The following PCM1 variants were observed in gnomAD, a reference collection of about 807,000 sequenced individuals.
PCM1 encodes the protein pericentriolar material 1, also known as pericentriolar material 1 protein.
Under a neutral mutation model 241.9 loss-of-function variants are expected in PCM1, and 157 were observed. That is an observed-to-expected ratio of 0.65 (90% confidence interval 0.57 to 0.74). The LOEUF (loss-of-function observed/expected upper bound fraction) is 0.74, where lower values mean the gene tolerates loss of function less well. Among genes scored for constraint, PCM1 ranks in the 30% least tolerant of loss-of-function variants. The probability of loss-of-function intolerance (pLI) is 0.00; values close to 1 mark genes in which losing one functional copy is unlikely to be tolerated. For missense variants in PCM1, 3,478 were observed against 2,360.1 expected (o/e 1.47, Z -9.81); for synonymous variants, 1,085 against 784.9 (o/e 1.38, Z -6.39).
chr8:17,924,757 C>A lies in PCM1; in HGVS notation c.-46C>A, dbSNP rs1183147883. 4 of 152,090 alleles carry A rather than the reference C, an allele frequency of 2.6e-5. No individual in the cohort carries two copies. The highest frequency in any genetic ancestry group is 9.7e-5 in the African/African-American group (4 of 41,386). The allele number at this position is 152,090 out of a possible 1,614,324, so 9.4% of individuals were successfully genotyped here. A position where few individuals can be genotyped will look rare whatever the true frequency, so the allele number is the denominator to read the frequency against. ...GAGCGGGAAAGGAGCAGTTTCTGAG[C>A]TGCAAAAACTAGTTTCTAAACAGGT... On this transcript the variant is annotated 5_prime_UTR_variant, in exon 2 of 39. It adds an upstream start codon to the 5' untranslated region. Transcript: ENST00000325083.
At chr8:17,994,738 A>G (rs1235166897) in intron 29 of PCM1, among the ~76,000 whole-genome samples, 2 of 146,164 alleles carry the variant, frequency 1.4e-5, no homozygotes, top group East Asian at 3.8e-4. Context: ...CCATTTTAAC[A>G]GAGGTGAGAT....
rs947180724 is a variant in PCM1, at chr8:17,947,216, G to A, written c.814G>A (p.Glu272Lys). The change falls in exon 7 of 39, where the codon GAG becomes AAG. Residue 272 changes from glutamate (E) to lysine (K), a missense_variant. Physicochemically the swap from Glu to Lys is moderately conservative, Grantham distance 56. Transcript: ENST00000325083. ...ARDPQQEPME[E>K]IENLKKQHDL... Reference sequence around the variant, plus strand: ...AGATCCTCAGCAGGAGCCTATGGAAGAGATAGAAAATTTGAAGAAACAACA... The same window carrying A: ...AGATCCTCAGCAGGAGCCTATGGAAAAGATAGAAAATTTGAAGAAACAACA... 1 of 1,609,772 alleles carries A rather than the reference G, an allele frequency of 6.2e-7. No individual in the cohort carries two copies. Among genetic ancestry groups the A allele is most frequent in the African/African-American group, 1.3e-5 (1 of 74,784 alleles).
chr8:17,924,374 T>A (rs146471436), intron 1 of PCM1, among the ~76,000 whole-genome samples: 247 of 152,344 alleles, frequency 1.6e-3, no homozygotes, highest in African/African-American at 5.5e-3. Context: ...GTTACATAGT[T>A]TGAGTAACAG....
chr8:17,962,463 G>A (rs208059), intron 16 of PCM1, among the ~76,000 whole-genome samples: 11,418 of 151,890 alleles, frequency 0.075, 627 homozygotes, highest in African/African-American at 0.15. Context: ...TAAATATTTG[G>A]CAGAAATATA....
chr8:17,964,410 A>T (rs1455172793), intron 17 of PCM1, among the ~76,000 whole-genome samples, 158 bp from the exon 18 acceptor site: 2 of 152,246 alleles, frequency 1.3e-5, no homozygotes, highest in Non-Finnish European at 2.9e-5. Context: ...TAACAGCAAT[A>T]GGGAGAGTGC....
intron 8 of PCM1, among the ~76,000 whole-genome samples, 158 bp downstream of exon 8, chr8:17,950,882 A>G (rs373645222): frequency 6.6e-6 from 1 of 152,236 alleles, no homozygotes; most frequent in African/African-American, 2.4e-5. Context: ...ATTACGATTC[A>G]TGGATTTGGG....
At chr8:17,967,385 G>A (rs553610806) in intron 21 of PCM1, among the ~76,000 whole-genome samples, 2 of 151,186 alleles carry the variant, frequency 1.3e-5, no homozygotes, top group African/African-American at 4.9e-5. Flanking sequence ...CTTGGCTCAC[G>A]GCAGCCTCCA....
At chr8:17,958,881 C>G (rs2070172150) in intron 13 of PCM1, among the ~76,000 whole-genome samples, 1 of 152,050 alleles carries the variant, frequency 6.6e-6, no homozygotes. Context: ...ACCACCACAC[C>G]TGGCTAATGT....
intron 23 of PCM1, among the ~76,000 whole-genome samples, chr8:17,977,470 C>G (rs1177790501): frequency 6.6e-6 from 1 of 152,096 alleles, no homozygotes; most frequent in Admixed American, 6.6e-5. Context: ...GTTAGTAGAC[C>G]TGTGCGGTGA....
chr8:18,003,300 C>G (rs2090222350), intron 29 of PCM1, among the ~76,000 whole-genome samples: 1 of 152,204 alleles, frequency 6.6e-6, no homozygotes, highest in Non-Finnish European at 1.5e-5. Flanking sequence ...TTTAGACGCT[C>G]TAAGTGTGAA....
At chr8:17,962,889 T>TGAGG in intron 16 of PCM1, 1 of 429,586 alleles carries the variant, frequency 2.3e-6, no homozygotes, top group Non-Finnish European at 4.1e-6. Flanking sequence ...GATGACAGAG[T>TGAGG]GAGACTCTGT....
intron 34 of PCM1, chr8:18,013,705 A>G (rs1392818307): frequency 3.0e-6 from 1 of 327,870 alleles, no homozygotes; most frequent in African/African-American, 2.1e-5. Context: ...TAGAGTCTGA[A>G]AAAAAATGAA....
chr8:17,938,628 G>C lies in PCM1; in HGVS notation c.343-112G>C, dbSNP rs551636066. The C allele has an allele frequency of 4.8e-5, 34 of 707,118 alleles. No individual in the cohort carries two copies. The Admixed American group carries it at 7.7e-4, about 16-fold the overall frequency. The allele number at this position is 707,118 out of a possible 1,614,324, so 43.8% of individuals were successfully genotyped here. The stretch of plus-strand genomic sequence containing the variant: ...TTCAGGTCTTAGTGCAAAGCTCTTT[G>C]TGTGCACCTTCTGAATCAATATCTG... On this transcript the variant is annotated intron_variant, in intron 4 of 38. Transcript: ENST00000325083.
rs754757232 is a variant in PCM1, at chr8:17,985,859, C to T, written c.4282-100C>T. The T allele has an allele frequency of 5.8e-6, 5 of 856,290 alleles. No individual in the cohort carries two copies. In the South Asian group the frequency reaches 8.8e-5, roughly 15 times the overall value. The allele number at this position is 856,290 out of a possible 1,614,324, so 53.0% of individuals were successfully genotyped here. A position where few individuals can be genotyped will look rare whatever the true frequency, so the allele number is the denominator to read the frequency against. On this transcript the variant is annotated intron_variant, in intron 25 of 38. Coordinates refer to ENST00000325083, the MANE Select transcript of PCM1 (RefSeq NM_006197.4). ...TTAACCTGTGAGGGTAGAAACAGTA[C>T]ATTTTTCCTTCCATCTGCTTTTATT...
At chr8:17,980,465 C>G in intron 23 of PCM1, 126 bp from the exon 24 acceptor site, 1 of 650,002 alleles carries the variant, frequency 1.5e-6, no homozygotes, top group Non-Finnish European at 2.5e-6. Flanking sequence ...GTTTTGTATT[C>G]TATTTATACC....
intron 34 of PCM1, chr8:18,013,746 T>TTCTGTCTGTTCGTTCC: frequency 2.1e-6 from 1 of 486,982 alleles, no homozygotes; most frequent in Non-Finnish European, 3.6e-6. Flanking sequence ...AGTTGTATTA[T>TTCTGTCTGTTCGTTCC]ACTGTGTGTG....
At chr8:17,936,503 C>T (rs550358787) in intron 3 of PCM1, among the ~76,000 whole-genome samples, 4 of 152,104 alleles carry the variant, frequency 2.6e-5, no homozygotes, top group East Asian at 3.8e-4. Context: ...ACTATAAGCA[C>T]TTTTTGTAAT....
At chr8:17,975,848 T>G (rs548852919) in intron 23 of PCM1, among the ~76,000 whole-genome samples, 2 of 152,166 alleles carry the variant, frequency 1.3e-5, no homozygotes, top group Admixed American at 1.3e-4. Flanking sequence ...ATATATAAAT[T>G]ATGTAATAAT....
chr8:17,949,712 G>T lies in PCM1; in HGVS notation c.962-903G>T, dbSNP rs187378673. 2.0e-5 allele frequency among the ~76,000 whole-genome samples: 3 copies of T among 152,192 alleles called. No homozygotes were observed. The East Asian group carries it at 5.8e-4, about 30-fold the overall frequency. On this transcript the variant is annotated intron_variant, in intron 7 of 38. Coordinates refer to ENST00000325083, the MANE Select transcript of PCM1 (RefSeq NM_006197.4). The stretch of plus-strand genomic sequence containing the variant: ...GGGTCTCACTGTGGTGCCCAGGCTG[G>T]TCTTGAACTCCTGCGCTCAAGTGAT...
Sources: allele counts gnomAD v4.1 joint callset (sites outside exome capture counted in the v4.1 genomes callset), GRCh38; gene constraint gnomAD v4.1.1; transcripts MANE v1.5; gene names NCBI Gene and HGNC (gene_info 2026-07-23, HGNC 2026-07-21).